EPHA6: variants seen among roughly 807,000 people sequenced by gnomAD.
The protein encoded by EPHA6 is EPH receptor A6.
In EPHA6, 50 loss-of-function variants were observed where a neutral mutation model predicts 112.0. That is an observed-to-expected ratio of 0.45 (90% CI 0.36 to 0.56). The LOEUF is 0.56. Ranked by LOEUF, EPHA6 falls within the 20% of genes least tolerant of loss-of-function variation. The pLI is 0.00. For missense variants in EPHA6, 1,280 were observed against 1,417.4 expected (o/e 0.90, Z 1.56); for synonymous variants, 529 against 490.7 (o/e 1.08, Z -1.03).
chr3:97,211,768 C>A (rs2077883472), intron 3 of EPHA6, among the ~76,000 whole-genome samples: 1 of 152,144 alleles, frequency 6.6e-6, no homozygotes, highest in South Asian at 2.1e-4. Flanking sequence ...GAAGTGAAAA[C>A]TGATGCACAT....
intron 5 of EPHA6, among the ~76,000 whole-genome samples, chr3:97,386,745 C>T (rs567832080): frequency 1.4e-4 from 22 of 152,352 alleles, no homozygotes; most frequent in Non-Finnish European, 3.2e-4. Flanking sequence ...TGTTGGGGCT[C>T]CATCCCAACA....
At chr3:97,721,652 C>T (rs975487951) in intron 15 of EPHA6, among the ~76,000 whole-genome samples, 4 of 152,158 alleles carry the variant, frequency 2.6e-5, no homozygotes, top group Admixed American at 6.5e-5. Flanking sequence ...CAAAGTGCAT[C>T]ATAACCAGCA....
intron 14 of EPHA6, among the ~76,000 whole-genome samples, chr3:97,643,117 A>C (rs992467953): frequency 1.2e-4 from 19 of 152,280 alleles, no homozygotes; most frequent in African/African-American, 3.1e-4. Flanking sequence ...GCAAGCCAGA[A>C]GAGAGTGGGG....
At chr3:97,395,503 T>C (rs937117718) in intron 5 of EPHA6, among the ~76,000 whole-genome samples, 8 of 151,982 alleles carry the variant, frequency 5.3e-5, no homozygotes, top group South Asian at 4.1e-4. Context: ...GTCTCCTTCC[T>C]GAGCATACAC....
Position 97,750,100 on chromosome 3 carries a change from T to C in EPHA6, c.*1399T>C, listed in dbSNP as rs2035859433. 6.6e-6 allele frequency among the ~76,000 whole-genome samples: 1 copy of C among 152,114 alleles called. No individual in the cohort carries two copies. The highest frequency in any genetic ancestry group is 2.4e-5 in the African/African-American group (1 of 41,442). On this transcript the variant is annotated 3_prime_UTR_variant, in exon 18 of 18. Transcript: ENST00000389672. Reference sequence around the variant, plus strand: ...GAACAAATTAAATTATAAAATCAGCTGCTCCCTGTAAAACTAAAAAAATGA... The same window carrying C: ...GAACAAATTAAATTATAAAATCAGCCGCTCCCTGTAAAACTAAAAAAATGA...
At chr3:96,994,709 G>GTA (rs66581386) in intron 3 of EPHA6, among the ~76,000 whole-genome samples, 2,673 of 98,272 alleles carry the variant, frequency 0.027, 93 homozygotes, top group African/African-American at 0.09. Flanking sequence ...GTGTGTGTGT[G>GTA]TATATATATA....
intron 11 of EPHA6, among the ~76,000 whole-genome samples, chr3:97,553,139 C>A (rs1408259450): frequency 6.6e-6 from 1 of 152,012 alleles, no homozygotes; most frequent in Non-Finnish European, 1.5e-5. Flanking sequence ...GGAAAAACAA[C>A]AACAAAAATC....
At position 96,838,440 on chromosome 3, in the gene EPHA6, G is replaced by T. The variant is rs563439602; in HGVS notation, c.385+23432G>T. On this transcript the variant is annotated intron_variant, in intron 1 of 17. Transcript: ENST00000389672. ...AGTAATGGGATTGCTGGGTTGAATA[G>T]TATTTCTGCCTCTAGGTGTTTGAGG... is the stretch of plus-strand genomic sequence containing the variant. 2.0e-5 allele frequency among the ~76,000 whole-genome samples: 3 copies of T among 152,186 alleles called. No homozygotes were observed. The South Asian group carries it at 6.2e-4, about 32-fold the overall frequency.
At chr3:97,146,926 T>TA (rs908953733) in intron 3 of EPHA6, among the ~76,000 whole-genome samples, 12 of 151,244 alleles carry the variant, frequency 7.9e-5, no homozygotes, top group African/African-American at 2.2e-4. Flanking sequence ...CTCTTTTAAT[T>TA]AAAAAAATAA....
intron 3 of EPHA6, among the ~76,000 whole-genome samples, chr3:97,073,000 C>G (rs888898912): frequency 6.6e-6 from 1 of 152,134 alleles, no homozygotes; most frequent in Non-Finnish European, 1.5e-5. Context: ...TAACTTTGAC[C>G]TAACAAGCTC....
intron 3 of EPHA6, among the ~76,000 whole-genome samples, chr3:97,081,626 CTT>C (rs1450299187): frequency 6.6e-6 from 1 of 151,660 alleles, no homozygotes; most frequent in Non-Finnish European, 1.5e-5. Context: ...TGTCAATACA[CTT>C]TAACTATGTG....
chr3:97,327,318 A>G (rs1480657117), intron 5 of EPHA6, among the ~76,000 whole-genome samples: 2 of 152,030 alleles, frequency 1.3e-5, no homozygotes, highest in Non-Finnish European at 2.9e-5. Context: ...ACATGCAAAT[A>G]TAAGAAATAA....
intron 3 of EPHA6, among the ~76,000 whole-genome samples, chr3:97,216,681 C>T (rs2078044159): frequency 6.6e-6 from 1 of 152,272 alleles, no homozygotes. Flanking sequence ...GTAGCACGAA[C>T]TTAAACTCCT....
At chr3:97,344,135 C>A (rs970249018) in intron 5 of EPHA6, among the ~76,000 whole-genome samples, 1 of 151,966 alleles carries the variant, frequency 6.6e-6, no homozygotes, top group East Asian at 1.9e-4. Context: ...TTGAGTCTCA[C>A]CCATATCTGA....
intron 3 of EPHA6, among the ~76,000 whole-genome samples, chr3:97,111,399 A>G (rs1412055447): frequency 6.6e-6 from 1 of 152,114 alleles, no homozygotes; most frequent in Non-Finnish European, 1.5e-5. Flanking sequence ...TTTTAGCATA[A>G]TAAGCAATAT....
intron 14 of EPHA6, among the ~76,000 whole-genome samples, chr3:97,692,005 G>A (rs2032701721): frequency 6.6e-6 from 1 of 152,158 alleles, no homozygotes; most frequent in African/African-American, 2.4e-5. Flanking sequence ...AACAATCATG[G>A]TCTTCCCTTG....
chr3:97,077,157 A>G (rs1689992753), intron 3 of EPHA6, among the ~76,000 whole-genome samples: 1 of 152,152 alleles, frequency 6.6e-6, no homozygotes, highest in Non-Finnish European at 1.5e-5. Context: ...GGCAAAATAA[A>G]TTGAAAACTT....
chr3:97,094,069 A>T (rs2047161104), intron 3 of EPHA6, among the ~76,000 whole-genome samples: 1 of 152,144 alleles, frequency 6.6e-6, no homozygotes, highest in African/African-American at 2.4e-5. Flanking sequence ...TAGAAAACCT[A>T]TACTAGTCAC....
At chr3:97,439,628 C>T in intron 6 of EPHA6, 1 of 1,004,746 alleles carries the variant, frequency 1.0e-6, no homozygotes, top group Non-Finnish European at 1.2e-6. Flanking sequence ...ACTTCCCAGC[C>T]TCAGAAAGGC....
Sources: allele counts gnomAD v4.1 joint callset (sites outside exome capture counted in the v4.1 genomes callset), GRCh38; gene constraint gnomAD v4.1.1; transcripts MANE v1.5; gene names NCBI Gene and HGNC (gene_info 2026-07-23, HGNC 2026-07-21).